Variants in SCAPER observed in about 807,000 individuals in gnomAD.
The protein encoded by SCAPER is S-phase cyclin A associated protein in the ER.
Under a neutral mutation model 182.2 loss-of-function variants are expected in SCAPER, and 98 were observed. That is an observed-to-expected ratio of 0.54 (90% CI 0.46 to 0.64). The LOEUF (loss-of-function observed/expected upper bound fraction) is 0.64. SCAPER is among the 30% of genes least tolerant of loss of function. The pLI is 0.00. For missense variants in SCAPER, 1,432 were observed against 1,690.0 expected (o/e 0.85, Z 2.68); for synonymous variants, 605 against 564.6 (o/e 1.07, Z -1.01).
intron 5 of SCAPER, among the ~76,000 whole-genome samples, chr15:76,815,110 A>G (rs2066959150): frequency 6.6e-6 from 1 of 152,246 alleles, no homozygotes; most frequent in Non-Finnish European, 1.5e-5. Flanking sequence ...ATAAGAGATA[A>G]TAACAACTGT....
intron 25 of SCAPER, among the ~76,000 whole-genome samples, chr15:76,462,792 G>C (rs12592171): frequency 0.4 from 60,469 of 151,982 alleles, 14,308 homozygotes; most frequent in Middle Eastern, 0.55. Context: ...ATGTAGCTTT[G>C]AGAGTAAAGC....
chr15:76,357,500 G>A (rs2041071917), intron 29 of SCAPER, among the ~76,000 whole-genome samples: 1 of 152,178 alleles, frequency 6.6e-6, no homozygotes, highest in Non-Finnish European at 1.5e-5. Flanking sequence ...ACGCTTATAC[G>A]CTGTTGGTGG....
At chr15:76,520,945 G>C (rs1264481791) in intron 23 of SCAPER, among the ~76,000 whole-genome samples, 6 of 152,142 alleles carry the variant, frequency 3.9e-5, no homozygotes, top group African/African-American at 1.4e-4. Context: ...TCAGTGGCGG[G>C]AAGTTTTCCT....
chr15:76,655,329 T>C (rs2055536763), intron 21 of SCAPER, among the ~76,000 whole-genome samples: 1 of 151,912 alleles, frequency 6.6e-6, no homozygotes, highest in Non-Finnish European at 1.5e-5. Flanking sequence ...TTTTCCAAAT[T>C]AAATCAGACA....
intron 5 of SCAPER, among the ~76,000 whole-genome samples, chr15:76,835,928 A>T (rs931285784): frequency 3.3e-5 from 4 of 122,592 alleles, no homozygotes; most frequent in African/African-American, 1.2e-4. Flanking sequence ...CATTCACATT[A>T]GCCACAAAAA....
chr15:76,606,134 T>C (rs1435812713), intron 22 of SCAPER, among the ~76,000 whole-genome samples: 1 of 152,256 alleles, frequency 6.6e-6, no homozygotes, highest in Non-Finnish European at 1.5e-5. Context: ...TTTAGATCTT[T>C]CCTGCTTTCT....
intron 20 of SCAPER, among the ~76,000 whole-genome samples, chr15:76,693,457 A>T (rs747730392): frequency 6.6e-6 from 1 of 152,194 alleles, no homozygotes; most frequent in Non-Finnish European, 1.5e-5. Context: ...CAGAATCATC[A>T]TATGATCCAG....
chr15:76,830,758 G>A (rs757783529), intron 5 of SCAPER, among the ~76,000 whole-genome samples: 89 of 152,066 alleles, frequency 5.9e-4, no homozygotes, highest in Middle Eastern at 6.8e-3. Flanking sequence ...CCAACTAGAC[G>A]TAGCCAGGAA....
At chr15:76,361,366 G>A (rs1011435004) in intron 29 of SCAPER, among the ~76,000 whole-genome samples, 1 of 152,152 alleles carries the variant, frequency 6.6e-6, no homozygotes, top group Non-Finnish European at 1.5e-5. Context: ...AGCCAAGCAT[G>A]GTGTTAGGCA....
intron 10 of SCAPER, among the ~76,000 whole-genome samples, chr15:76,768,303 C>T (rs925921785): frequency 6.6e-6 from 1 of 152,132 alleles, no homozygotes; most frequent in African/African-American, 2.4e-5. Flanking sequence ...CCTAAATGTC[C>T]ATCAACTGAT....
At chr15:76,642,928 T>C (rs963215964) in intron 21 of SCAPER, among the ~76,000 whole-genome samples, 1 of 152,184 alleles carries the variant, frequency 6.6e-6, no homozygotes, top group Admixed American at 6.5e-5. Flanking sequence ...AAGGTAGGGT[T>C]AGGAGGAAAT....
chr15:76,382,660 C>G (rs2141952491), intron 27 of SCAPER, among the ~76,000 whole-genome samples: 1 of 152,278 alleles, frequency 6.6e-6, no homozygotes, highest in Non-Finnish European at 1.5e-5. Flanking sequence ...ATAGACCTCC[C>G]TCCCCATTTA....
chr15:76,518,054 C>G (rs531638504), intron 23 of SCAPER, among the ~76,000 whole-genome samples: 3 of 152,238 alleles, frequency 2.0e-5, no homozygotes, highest in South Asian at 2.1e-4. Context: ...TGGTGCAGTT[C>G]TTGAGATTGC....
intron 20 of SCAPER, among the ~76,000 whole-genome samples, chr15:76,696,729 T>A (rs918559151): frequency 9.2e-5 from 14 of 152,338 alleles, no homozygotes; most frequent in Non-Finnish European, 1.6e-4. Context: ...TAATACTTCA[T>A]TGATTTATTT....
intron 21 of SCAPER, among the ~76,000 whole-genome samples, chr15:76,636,082 G>T (rs1770738404): frequency 6.6e-6 from 1 of 152,174 alleles, no homozygotes; most frequent in Non-Finnish European, 1.5e-5. Context: ...ATGAGTTAGG[G>T]CAGGTCTACT....
chr15:76,584,385 T>C lies in SCAPER; in HGVS notation c.2712-10101A>G, dbSNP rs1042752604. Among the ~76,000 whole-genome samples, 9 of 152,322 alleles carry C rather than the reference T, an allele frequency of 5.9e-5. No homozygotes were observed. The Middle Eastern group carries it at 0.01, about 173-fold the overall frequency. Reference sequence around the variant, plus strand: ...AATGACTACAGTCAACAATTTATTGTACATTTTTAAATAACAGAGTATAAT... The same window carrying C: ...AATGACTACAGTCAACAATTTATTGCACATTTTTAAATAACAGAGTATAAT... On this transcript the variant is annotated intron_variant, in intron 22 of 31. Coordinates refer to ENST00000563290, the MANE Select transcript of SCAPER (RefSeq NM_020843.4).
chr15:76,425,491 A>G (rs980791739), intron 26 of SCAPER, among the ~76,000 whole-genome samples: 1 of 152,044 alleles, frequency 6.6e-6, no homozygotes, highest in Admixed American at 6.5e-5. Flanking sequence ...ACTTGTCTAC[A>G]TTGGTTATTC....
intron 2 of SCAPER, among the ~76,000 whole-genome samples, chr15:76,865,230 C>G (rs1030323833): frequency 6.6e-6 from 1 of 152,076 alleles, no homozygotes; most frequent in Non-Finnish European, 1.5e-5. Context: ...TTAAGCATAT[C>G]ACAGAAAAAC....
At position 76,862,452 on chromosome 15, in the gene SCAPER, C is replaced by T. The variant is rs1168745116; in HGVS notation, c.88G>A (p.Ala30Thr). The change falls in exon 3 of 32, where the codon GCT becomes ACT. Residue 30 changes from alanine (A) to threonine (T), a missense_variant. Around this residue, in one of 5 missense-constraint regions of SCAPER, gnomAD observed 480 missense variants for 510.2 expected, o/e 0.94. Coordinates refer to ENST00000563290, the MANE Select transcript of SCAPER (RefSeq NM_020843.4). ...TTGCTTTCTAGTGGAACACTCCAAG[C>T]TATTAGGTTTCTTGCTGTACGACCC... is the stretch of plus-strand genomic sequence containing the variant. ...EEGRTARNLI[A>T]WSVPLESKDD... 1.2e-6 allele frequency: 2 copies of T among 1,612,524 alleles called. No homozygotes were observed. The highest frequency in any genetic ancestry group is 1.1e-5 in the South Asian group (1 of 90,996).
Sources: allele counts gnomAD v4.1 joint callset (sites outside exome capture counted in the v4.1 genomes callset), GRCh38; gene constraint gnomAD v4.1.1; regional missense constraint gnomAD v4.1.1; transcripts MANE v1.5; gene names NCBI Gene and HGNC (gene_info 2026-07-23, HGNC 2026-07-21).